SCAPER: variants seen among roughly 807,000 people sequenced by gnomAD.
The protein encoded by SCAPER is S phase cyclin A-associated protein in the endoplasmic reticulum.
SCAPER carries 98 observed loss-of-function variants against 182.2 expected under a neutral mutation model. That is an observed-to-expected ratio of 0.54 (90% CI 0.46 to 0.64). The LOEUF is 0.64. Among genes scored for constraint, SCAPER ranks in the 30% least tolerant of loss-of-function variants. The probability of loss-of-function intolerance (pLI) is 0.00; values close to 1 mark genes in which losing one functional copy is unlikely to be tolerated. For missense variants in SCAPER, 1,432 were observed against 1,690.0 expected (o/e 0.85, Z 2.68); for synonymous variants, 605 against 564.6 (o/e 1.07, Z -1.01).
At chr15:76,516,028 C>T (rs542550569) in intron 23 of SCAPER, among the ~76,000 whole-genome samples, 14 of 152,164 alleles carry the variant, frequency 9.2e-5, no homozygotes, top group Non-Finnish European at 1.8e-4. Flanking sequence ...TACTGTTAGG[C>T]CTGCCTGAAG....
At chr15:76,765,910 T>C (rs1240350339) in intron 11 of SCAPER, among the ~76,000 whole-genome samples, 1 of 152,188 alleles carries the variant, frequency 6.6e-6, no homozygotes, top group Non-Finnish European at 1.5e-5. Context: ...TATTACTACA[T>C]AAATGCTAAC....
chr15:76,669,772 T>C (rs62026902), intron 20 of SCAPER, among the ~76,000 whole-genome samples: 10,220 of 152,234 alleles, frequency 0.067, 380 homozygotes, highest in Middle Eastern at 0.11. Flanking sequence ...CCACATTCCC[T>C]CCCGCCATGC....
At chr15:76,503,607 G>T (rs1412249796) in intron 24 of SCAPER, among the ~76,000 whole-genome samples, 1 of 152,070 alleles carries the variant, frequency 6.6e-6, no homozygotes, top group Non-Finnish European at 1.5e-5. Flanking sequence ...TTACAAAGAG[G>T]TCTCATATAT....
chr15:76,644,058 T>C (rs1010162582), intron 21 of SCAPER, among the ~76,000 whole-genome samples: 1 of 152,176 alleles, frequency 6.6e-6, no homozygotes, highest in African/African-American at 2.4e-5. Flanking sequence ...ATTAGTATTC[T>C]TTGAGTTCTT....
intron 23 of SCAPER, among the ~76,000 whole-genome samples, chr15:76,533,376 A>T (rs937171551): frequency 6.6e-6 from 1 of 152,168 alleles, no homozygotes; most frequent in Non-Finnish European, 1.5e-5. Context: ...ATGTTTAGAT[A>T]TGTTTAAATA....
chr15:76,669,218 G>A (rs7162982), intron 20 of SCAPER, among the ~76,000 whole-genome samples: 121,117 of 150,956 alleles, frequency 0.8, 49,246 homozygotes, highest in Middle Eastern at 0.89. Flanking sequence ...ACAAGCAGCA[G>A]CAACAACAAC....
rs2046285302 is a variant in SCAPER at position 76,557,603 on chromosome 15, G to A, written c.2838+16555C>T. Among the ~76,000 whole-genome samples the A allele has an allele frequency of 2.0e-5, 3 of 152,234 alleles. No homozygotes were observed. The South Asian group carries it at 6.2e-4, about 32-fold the overall frequency. ...TCGGCTCCTGCTTTGGCCATGTGAA[G>A]TGCCTGCTCCCCCTTTGCCTTCCAC... On this transcript the variant is annotated intron_variant, in intron 23 of 31. Coordinates refer to ENST00000563290, the MANE Select transcript of SCAPER (RefSeq NM_020843.4).
intron 15 of SCAPER, among the ~76,000 whole-genome samples, chr15:76,738,830 T>C (rs1428861076): frequency 6.6e-6 from 1 of 152,180 alleles, no homozygotes; most frequent in Non-Finnish European, 1.5e-5. Flanking sequence ...TAAAATATTA[T>C]GAGTCACCAA....
At chr15:76,453,795 A>G (rs922571779) in intron 25 of SCAPER, among the ~76,000 whole-genome samples, 1 of 152,268 alleles carries the variant, frequency 6.6e-6, no homozygotes, top group Admixed American at 6.5e-5. Flanking sequence ...TGGGTATGGC[A>G]TAAGTATTTA....
At chr15:76,744,902 C>A (rs1598477345) in intron 15 of SCAPER, among the ~76,000 whole-genome samples, 1 of 152,162 alleles carries the variant, frequency 6.6e-6, no homozygotes, top group Non-Finnish European at 1.5e-5. Flanking sequence ...TCAATAGTGC[C>A]TATCGATAGA....
rs185101132 is a variant in SCAPER, at chr15:76,801,781, G to A, written c.495-1417C>T. 3.7e-3 allele frequency among the ~76,000 whole-genome samples: 557 copies of A among 152,160 alleles called. 6 individuals carry two copies. Among genetic ancestry groups the A allele is most frequent in the African/African-American group, 0.013 (533 of 41,510 alleles). ...CTAAAAATACAAAAATTAGCTGGGC[G>A]TGGTGGCGGGTGCCTGTAATCCCAG... On this transcript the variant is annotated intron_variant, in intron 6 of 31. Transcript: ENST00000563290.
chr15:76,437,361 GA>G (rs949712766), intron 25 of SCAPER, among the ~76,000 whole-genome samples: 11 of 148,388 alleles, frequency 7.4e-5, no homozygotes, highest in African/African-American at 2.0e-4. Context: ...TTTCCAGATT[GA>G]AAAAAAAAAT....
chr15:76,469,035 C>T (rs2142999061), intron 25 of SCAPER, among the ~76,000 whole-genome samples: 1 of 152,244 alleles, frequency 6.6e-6, no homozygotes, highest in Non-Finnish European at 1.5e-5. Flanking sequence ...TATAAGCCAT[C>T]CAGTCTATGG....
chr15:76,546,431 C>G (rs762013287), intron 23 of SCAPER, among the ~76,000 whole-genome samples: 18 of 152,078 alleles, frequency 1.2e-4, no homozygotes, highest in Non-Finnish European at 2.5e-4. Context: ...CTCAAGGAAT[C>G]CTCCCACCTT....
chr15:76,797,032 T>C (rs1268435011), intron 7 of SCAPER, among the ~76,000 whole-genome samples: 1 of 151,480 alleles, frequency 6.6e-6, no homozygotes, highest in African/African-American at 2.4e-5. Context: ...CTAGTATAAG[T>C]ACAAAAAAAT....
At chr15:76,505,891 T>C (rs563685728) in intron 23 of SCAPER, among the ~76,000 whole-genome samples, 4 of 152,176 alleles carry the variant, frequency 2.6e-5, no homozygotes, top group Non-Finnish European at 4.4e-5. Flanking sequence ...AGTACATATA[T>C]GGAATGGAGT....
At chr15:76,685,512 C>A (rs572296133) in intron 20 of SCAPER, among the ~76,000 whole-genome samples, 1 of 151,984 alleles carries the variant, frequency 6.6e-6, no homozygotes, top group Admixed American at 6.6e-5. Context: ...AACAAACTAA[C>A]AGGTAAAAAA....
intron 22 of SCAPER, among the ~76,000 whole-genome samples, chr15:76,612,272 T>C (rs1016856352): frequency 3.3e-5 from 5 of 152,204 alleles, no homozygotes; most frequent in Non-Finnish European, 5.9e-5. Flanking sequence ...GGTTTCACTC[T>C]GGTTGCCCAG....
Position 76,487,193 on chromosome 15 carries a change from T to C in SCAPER, c.2955-15858A>G, listed in dbSNP as rs2051735014. Among the ~76,000 whole-genome samples, 6 of 151,246 alleles carry C rather than the reference T, an allele frequency of 4.0e-5. No individual in the cohort carries two copies. In the South Asian group the frequency reaches 1.3e-3, roughly 32 times the overall value. Reference sequence around the variant, plus strand: ...ACTGGGGCCTATTGGAGTGTGGAGGTTGGGAGGAAGGAGAGGATCAGGAAA... The same window carrying C: ...ACTGGGGCCTATTGGAGTGTGGAGGCTGGGAGGAAGGAGAGGATCAGGAAA... On this transcript the variant is annotated intron_variant, in intron 24 of 31. Coordinates refer to ENST00000563290, the MANE Select transcript of SCAPER (RefSeq NM_020843.4).
Sources: gnomAD v4.1 joint callset for allele counts (sites outside exome capture counted in the v4.1 genomes callset) on GRCh38, gnomAD v4.1.1 for gene constraint, MANE v1.5 for transcripts, NCBI Gene and HGNC (gene_info 2026-07-23, HGNC 2026-07-21) for gene names.